Variants in ATG10 observed in about 807,000 individuals in gnomAD.
ATG10 encodes autophagy related 10, also known as ubiquitin-like-conjugating enzyme ATG10.
In ATG10, 30 loss-of-function variants were observed where a neutral mutation model predicts 32.1. That is an observed-to-expected ratio of 0.94 (90% CI 0.70 to 1.27). ATG10 has a LOEUF of 1.27. Among genes scored for constraint, ATG10 ranks in the 50% most tolerant of loss-of-function variants. The pLI, the probability that ATG10 is intolerant of heterozygous loss-of-function variation, is 0.00. For synonymous variants in ATG10, 87 were observed against 91.5 expected, an observed-to-expected ratio of 0.95 and a Z score of 0.28; for missense variants, 233 against 262.3, an observed-to-expected ratio of 0.89 and a Z score of 0.77.
At chr5:82,248,417 C>T (rs1254329255) in intron 5 of ATG10, among the ~76,000 whole-genome samples, 1 of 152,198 alleles carries the variant, frequency 6.6e-6, no homozygotes, top group East Asian at 1.9e-4. Flanking sequence ...CCAGATTGCT[C>T]TGGTAAAACT....
At chr5:82,052,741 A>G (rs1029505151) in intron 2 of ATG10, among the ~76,000 whole-genome samples, 5 of 152,124 alleles carry the variant, frequency 3.3e-5, no homozygotes, top group African/African-American at 1.2e-4. Flanking sequence ...GCATGCATAT[A>G]TTCATACTGT....
At chr5:82,154,011 G>A (rs746775101) in intron 3 of ATG10, among the ~76,000 whole-genome samples, 37 of 150,708 alleles carry the variant, frequency 2.5e-4, no homozygotes, top group Non-Finnish European at 5.2e-4. Context: ...CAATCCTCCT[G>A]CCTCAGCCTC....
intron 4 of ATG10, among the ~76,000 whole-genome samples, chr5:82,170,572 G>A (rs1030027427): frequency 6.6e-6 from 1 of 152,148 alleles, no homozygotes; most frequent in African/African-American, 2.4e-5. Flanking sequence ...AATGTTTGAG[G>A]AAAGCCAGGA....
intron 2 of ATG10, among the ~76,000 whole-genome samples, chr5:82,035,588 T>G (rs1762894545): frequency 1.3e-5 from 2 of 152,056 alleles, no homozygotes; most frequent in Non-Finnish European, 2.9e-5. Flanking sequence ...AGTTACATAT[T>G]TTTAGATTTG....
chr5:82,185,774 T>C (rs1458527706), intron 5 of ATG10, among the ~76,000 whole-genome samples: 1 of 152,204 alleles, frequency 6.6e-6, no homozygotes, highest in Admixed American at 6.5e-5. Flanking sequence ...TAATGATGGC[T>C]GATAAACTGA....
intron 5 of ATG10, among the ~76,000 whole-genome samples, chr5:82,206,170 G>A (rs565026570): frequency 1.2e-4 from 18 of 152,270 alleles, no homozygotes; most frequent in East Asian, 5.8e-4. Flanking sequence ...AGGCTGTAGC[G>A]TAGGATGGGG....
intron 2 of ATG10, among the ~76,000 whole-genome samples, chr5:82,018,561 G>A (rs1762349805): frequency 6.6e-6 from 1 of 152,132 alleles, no homozygotes; most frequent in African/African-American, 2.4e-5. Flanking sequence ...TTACTCCCCT[G>A]ATTTCACCTC....
At chr5:82,031,602 A>G (rs1762744689) in intron 2 of ATG10, among the ~76,000 whole-genome samples, 1 of 152,244 alleles carries the variant, frequency 6.6e-6, no homozygotes, top group African/African-American at 2.4e-5. Flanking sequence ...GAAAAAACAC[A>G]TGCAAATGCA....
intron 1 of ATG10, among the ~76,000 whole-genome samples, chr5:81,978,493 T>A (rs1183509529): frequency 1.3e-5 from 2 of 152,202 alleles, no homozygotes; most frequent in Non-Finnish European, 2.9e-5. Context: ...TACCCACTGT[T>A]CAAAGGCAGC....
intron 5 of ATG10, among the ~76,000 whole-genome samples, chr5:82,188,675 G>A (rs189849049): frequency 3.0e-3 from 457 of 152,262 alleles, no homozygotes; most frequent in Non-Finnish European, 4.4e-3. Flanking sequence ...GGGGGCTGGG[G>A]GTGAGGACCA....
chr5:82,155,443 A>G (rs1767764821), intron 3 of ATG10, among the ~76,000 whole-genome samples: 1 of 152,200 alleles, frequency 6.6e-6, no homozygotes, highest in Non-Finnish European at 1.5e-5. Context: ...AGGTCTATGG[A>G]CTACAGCTTG....
intron 3 of ATG10, among the ~76,000 whole-genome samples, chr5:82,075,241 A>G (rs1449987498): frequency 6.6e-6 from 1 of 152,204 alleles, no homozygotes; most frequent in Non-Finnish European, 1.5e-5. Flanking sequence ...TGTTTAAGGC[A>G]GACGGTTGGA....
chr5:82,209,770 T>G (rs1745428578), intron 5 of ATG10, among the ~76,000 whole-genome samples: 1 of 152,160 alleles, frequency 6.6e-6, no homozygotes, highest in African/African-American at 2.4e-5. Flanking sequence ...TTTAAATAGA[T>G]TGCTTTTGCC....
intron 3 of ATG10, among the ~76,000 whole-genome samples, chr5:82,115,774 A>G (rs1210888099): frequency 2.0e-5 from 3 of 152,086 alleles, no homozygotes; most frequent in Non-Finnish European, 4.4e-5. Flanking sequence ...AGCAGAGGCA[A>G]AGGGTAGGGT....
At chr5:82,144,266 A>G (rs1373574232) in intron 3 of ATG10, among the ~76,000 whole-genome samples, 1 of 149,664 alleles carries the variant, frequency 6.7e-6, no homozygotes, top group African/African-American at 2.5e-5. Context: ...AATCTTTTCA[A>G]AGAATCAGTT....
intron 4 of ATG10, among the ~76,000 whole-genome samples, chr5:82,170,261 A>G (rs1163512739): frequency 6.6e-6 from 1 of 152,214 alleles, no homozygotes; most frequent in African/African-American, 2.4e-5. Context: ...TGGCACAATG[A>G]GCCCTGTTTG....
chr5:82,022,829 G>A (rs1762482440), intron 2 of ATG10, among the ~76,000 whole-genome samples: 1 of 151,614 alleles, frequency 6.6e-6, no homozygotes, highest in African/African-American at 2.4e-5. Flanking sequence ...TTCGAGGCAG[G>A]GTCAAGACTG....
Position 82,080,763 on chromosome 5 carries a change from T to C in ATG10, c.216+22161T>C, listed in dbSNP as rs1307833441. Among the ~76,000 whole-genome samples, 3 of 152,350 alleles carry C rather than the reference T, an allele frequency of 2.0e-5. No homozygotes were observed. In the East Asian group the frequency reaches 5.8e-4, roughly 29 times the overall value. On this transcript the variant is annotated intron_variant, in intron 3 of 7. Transcript: ENST00000282185. ...CAGTACCATGCTGTTTTGGTTACTG[T>C]AGCCTTGTAGTATAGTTTGAAGTCA...
intron 2 of ATG10, among the ~76,000 whole-genome samples, chr5:82,032,429 A>G (rs1209443768): frequency 6.6e-6 from 1 of 152,140 alleles, no homozygotes; most frequent in African/African-American, 2.4e-5. Context: ...CAGTTGAACT[A>G]TAGGTCATTG....
Sources: allele counts gnomAD v4.1 joint callset (sites outside exome capture counted in the v4.1 genomes callset), GRCh38; gene constraint gnomAD v4.1.1; transcripts MANE v1.5; gene names NCBI Gene and HGNC (gene_info 2026-07-23, HGNC 2026-07-21).